Variants in KDM6A observed in about 807,000 individuals in gnomAD.
The protein encoded by KDM6A is lysine-specific demethylase 6A.
Under a neutral mutation model 117.6 loss-of-function variants are expected in KDM6A, and 11 were observed. The ratio of observed to expected loss-of-function variants is 0.09; its 90% CI spans 0.06 to 0.15. The LOEUF is 0.15. Ranked by LOEUF, KDM6A falls within the 10% of genes least tolerant of loss-of-function variation. The pLI is 1.00. For synonymous variants in KDM6A, 384 were observed against 396.1 expected, an observed-to-expected ratio of 0.97 and a Z score of 0.36; for missense variants, 799 against 1,077.3, an observed-to-expected ratio of 0.74 and a Z score of 3.62.
At chrX:45,020,837 A>G in intron 6 of KDM6A, 107 bp downstream of exon 6, 3 of 914,040 alleles carry the variant, frequency 3.3e-6, no homozygotes, top group South Asian at 4.3e-5. Context: ...TTATATTGGC[A>G]CTTTAAAAGA....
intron 2 of KDM6A, among the ~76,000 whole-genome samples, chrX:44,922,020 G>A (rs2035965426): frequency 2.6e-5 from 1 of 37,812 alleles, no homozygotes; most frequent in Non-Finnish European, 5.3e-5. Flanking sequence ...AAAATTCATT[G>A]TGTGTGCCTT....
intron 6 of KDM6A, among the ~76,000 whole-genome samples, chrX:45,028,605 T>C (rs753632820): frequency 8.9e-6 from 1 of 112,264 alleles, no homozygotes; most frequent in Non-Finnish European, 1.9e-5. Context: ...GTCATTGCTG[T>C]TTATTTTGTT....
intron 3 of KDM6A, among the ~76,000 whole-genome samples, chrX:44,971,306 C>T (rs766005887): frequency 8.9e-6 from 1 of 111,826 alleles, no homozygotes; most frequent in East Asian, 2.8e-4. Context: ...GTCTAACGTC[C>T]TTCCAGTGAT....
intron 2 of KDM6A, among the ~76,000 whole-genome samples, chrX:44,880,163 A>T (rs1272316910): frequency 1.1e-5 from 1 of 92,710 alleles, no homozygotes; most frequent in African/African-American, 4.9e-5. Flanking sequence ...ACAGAGCGAG[A>T]CTTCATCTCA....
chrX:45,071,850 C>T (rs1242147623), intron 18 of KDM6A, among the ~76,000 whole-genome samples: 4 of 110,553 alleles, frequency 3.6e-5, no homozygotes, highest in South Asian at 3.8e-4. Context: ...ACTTACCGCA[C>T]GCTCTGCCTC....
chrX:45,058,977 T>A (rs1487534854), intron 10 of KDM6A, 29 bp from the exon 11 acceptor site: 6 of 210,289 alleles, frequency 2.9e-5, no homozygotes, highest in Non-Finnish European at 4.2e-5. Flanking sequence ...ATTCTCTTGA[T>A]TTTTTTTTTT....
chrX:44,978,028 T>G, intron 4 of KDM6A, among the ~76,000 whole-genome samples: 1 of 112,262 alleles, frequency 8.9e-6, no homozygotes, highest in Non-Finnish European at 1.9e-5. Flanking sequence ...TTTTGTGTGT[T>G]TGTGTTTGCC....
In KDM6A at chrX:44,948,053, TC is replaced by T. The variant is rs779064675; in HGVS notation, c.226-13230del. Among the ~76,000 whole-genome samples, 678 of 112,140 alleles carry T rather than the reference TC, an allele frequency of 6.0e-3. 8 individuals carry two copies. The highest frequency in any genetic ancestry group is 0.021 in the African/African-American group (645 of 30,899). On this transcript the variant is annotated intron_variant, in intron 2 of 29. Transcript: ENST00000611820. Reference sequence around the variant, plus strand: ...TAAGAACTTAAGAACTTTGTGTTGGTCGCCTGCCATTGTGTTTAATCTGACA... The same window carrying T: ...TAAGAACTTAAGAACTTTGTGTTGGTGCCTGCCATTGTGTTTAATCTGACA...
At chrX:45,021,914 C>T (rs150694798) in intron 6 of KDM6A, among the ~76,000 whole-genome samples, 3 of 111,867 alleles carry the variant, frequency 2.7e-5, no homozygotes, top group African/African-American at 9.7e-5. Context: ...TACTGTGGGA[C>T]GTCAGCGGAT....
intron 4 of KDM6A, among the ~76,000 whole-genome samples, chrX:45,001,774 G>T (rs901524390): frequency 2.7e-5 from 3 of 111,398 alleles, no homozygotes; most frequent in Admixed American, 9.5e-5. Flanking sequence ...CACGACTCTT[G>T]AGGGAGCGGT....
intron 2 of KDM6A, among the ~76,000 whole-genome samples, chrX:44,949,878 A>G (rs966290720): frequency 9.0e-6 from 1 of 111,281 alleles, no homozygotes; most frequent in African/African-American, 3.3e-5. Context: ...ATCTTTTTGG[A>G]ATTCTGAGTT....
At chrX:45,099,790 T>G (rs1241965921) in intron 27 of KDM6A, among the ~76,000 whole-genome samples, 3 of 111,678 alleles carry the variant, frequency 2.7e-5, no homozygotes, top group Non-Finnish European at 5.6e-5. Context: ...ATCCCAACAC[T>G]TTGGGAGGCC....
At chrX:45,098,370 A>C in intron 27 of KDM6A, among the ~76,000 whole-genome samples, 1 of 112,821 alleles carries the variant, frequency 8.9e-6, no homozygotes, top group Non-Finnish European at 1.9e-5. Context: ...GTTCAGACAA[A>C]AGGAGAGACA....
chrX:45,083,680 C>A (rs2045518486), intron 24 of KDM6A, 72 bp downstream of exon 24: 1 of 919,498 alleles, frequency 1.1e-6, no homozygotes, highest in Non-Finnish European at 1.6e-6. Flanking sequence ...GCAAAGACAG[C>A]CAGAATCTTG....
chrX:44,998,292 C>G lies in KDM6A; in HGVS notation c.385-12669C>G, dbSNP rs895096326. ...AGGCTTTTAGATTGTAAAATGAACT[C>G]TGTGAATAGAAGGAACATGGTTTAT... is the stretch of plus-strand genomic sequence containing the variant. On this transcript the variant is annotated intron_variant, in intron 4 of 29. Coordinates refer to ENST00000611820, the MANE Select transcript of KDM6A (RefSeq NM_001291415.2). Among the ~76,000 whole-genome samples the G allele has an allele frequency of 2.7e-5, 3 of 111,502 alleles. No individual in the cohort carries two copies. In the Admixed American group the frequency reaches 2.8e-4, roughly 11 times the overall value.
chrX:44,967,695 T>G (rs1395732658), intron 3 of KDM6A, among the ~76,000 whole-genome samples: 1 of 112,381 alleles, frequency 8.9e-6, no homozygotes, highest in East Asian at 2.8e-4. Flanking sequence ...TTCTTACCCT[T>G]AATTGTCATT....
intron 4 of KDM6A, among the ~76,000 whole-genome samples, chrX:44,991,681 G>T (rs1022856653): frequency 9.1e-6 from 1 of 110,343 alleles, no homozygotes; most frequent in African/African-American, 3.3e-5. Context: ...GGGTGTTTTT[G>T]TTGTTGTTGT....
intron 2 of KDM6A, among the ~76,000 whole-genome samples, chrX:44,888,229 G>A (rs2033056650): frequency 9.0e-6 from 1 of 111,244 alleles, no homozygotes; most frequent in Non-Finnish European, 1.9e-5. Flanking sequence ...GCTTGAACCC[G>A]GGAGGTGGAG....
chrX:44,927,186 A>G (rs1351029171), intron 2 of KDM6A, among the ~76,000 whole-genome samples: 2 of 110,944 alleles, frequency 1.8e-5, no homozygotes, highest in East Asian at 5.7e-4. Context: ...AAAGTAGTAC[A>G]TGCATATAGT....
Sources: gnomAD v4.1 joint callset for allele counts (sites outside exome capture counted in the v4.1 genomes callset) on GRCh38, gnomAD v4.1.1 for gene constraint, MANE v1.5 for transcripts, NCBI Gene and HGNC (gene_info 2026-07-23, HGNC 2026-07-21) for gene names.